Variants in FGF14 observed in about 807,000 individuals in gnomAD.
The protein encoded by FGF14 is fibroblast growth factor 14.
In FGF14, 5 loss-of-function variants were observed where a neutral mutation model predicts 25.5. That is an observed-to-expected ratio of 0.20 (90% CI 0.10 to 0.41). The LOEUF is 0.41. Ranked by LOEUF, FGF14 falls within the 10% of genes least tolerant of loss-of-function variation. The pLI is 1.00. For missense variants in FGF14, 222 were observed against 320.1 expected, an observed-to-expected ratio of 0.69 and a Z score of 2.34; for synonymous variants, 138 against 118.3, an observed-to-expected ratio of 1.17 and a Z score of -1.08.
rs2034713918 is a variant in FGF14, at chr13:101,716,179, A to AATTAATCG, written c.*6644_*6651dup. On this transcript the variant is annotated 3_prime_UTR_variant, in exon 5 of 5. Coordinates refer to ENST00000376143, the MANE Select transcript of FGF14 (RefSeq NM_004115.4). ...TAAGGAAAACATGCATATTCACATT[A>AATTAATCG]ATTAATCGATCAGATTTTTCCAGAA... The AATTAATCG allele has an allele frequency of 6.6e-6, 1 of 152,224 alleles. No individual in the cohort carries two copies. Among genetic ancestry groups the AATTAATCG allele is most frequent in the African/African-American group, 2.4e-5 (1 of 41,430 alleles). 9.4% of individuals were successfully genotyped at this position (152,224 alleles called of 1,614,324 possible).
intron 1 of FGF14, among the ~76,000 whole-genome samples, chr13:102,299,346 G>A (rs1457140000): frequency 6.6e-6 from 1 of 152,050 alleles, no homozygotes; most frequent in Non-Finnish European, 1.5e-5. Context: ...AGTCAAAATG[G>A]ATGCAACCAA....
chr13:101,998,037 A>T (rs1232030249), intron 1 of FGF14, among the ~76,000 whole-genome samples: 4 of 152,128 alleles, frequency 2.6e-5, no homozygotes. Flanking sequence ...CTCATTTAGC[A>T]AAAAATCCTG....
chr13:102,015,444 G>C (rs950360424), intron 1 of FGF14, among the ~76,000 whole-genome samples: 129 of 152,236 alleles, frequency 8.5e-4, no homozygotes, highest in African/African-American at 2.7e-3. Context: ...GTTACCTTTA[G>C]ACTAGCAAGA....
chr13:102,133,121 G>A (rs1400617426), intron 1 of FGF14, among the ~76,000 whole-genome samples: 3 of 152,132 alleles, frequency 2.0e-5, no homozygotes, highest in Admixed American at 6.5e-5. Flanking sequence ...TTTCATCAGC[G>A]ATTTCCCACC....
In FGF14 at chr13:101,802,795, T is replaced by C. The variant is rs1275639549; in HGVS notation, c.408+65930A>G. Among the ~76,000 whole-genome samples the C allele has an allele frequency of 3.3e-5, 5 of 152,338 alleles. No homozygotes were observed. In the South Asian group the frequency reaches 1.0e-3, roughly 32 times the overall value. ...GCATTTAAAAACATGTGTAAGGTGA[T>C]GTTTACTATTTGGCTATGGGCTAGA... On this transcript the variant is annotated intron_variant, in intron 3 of 4. Transcript: ENST00000376143.
chr13:102,333,173 C>T (rs2056684287), intron 1 of FGF14, among the ~76,000 whole-genome samples: 1 of 152,176 alleles, frequency 6.6e-6, no homozygotes, highest in Non-Finnish European at 1.5e-5. Context: ...TGAAAAGCCT[C>T]TTGATTATAT....
chr13:102,292,049 C>T (rs755706326), intron 1 of FGF14, among the ~76,000 whole-genome samples: 42 of 152,206 alleles, frequency 2.8e-4, no homozygotes, highest in Non-Finnish European at 5.6e-4. Flanking sequence ...GTGACCTGGA[C>T]TCTCACTTTG....
At chr13:101,930,494 A>C (rs1178839666) in intron 1 of FGF14, among the ~76,000 whole-genome samples, 1 of 152,172 alleles carries the variant, frequency 6.6e-6, no homozygotes, top group Non-Finnish European at 1.5e-5. Context: ...GGAATGCTCC[A>C]TTTTCATAAC....
chr13:102,287,136 AG>A (rs2054143718), intron 1 of FGF14, among the ~76,000 whole-genome samples: 1 of 152,216 alleles, frequency 6.6e-6, no homozygotes, highest in African/African-American at 2.4e-5. Flanking sequence ...ATAAAAAAAA[AG>A]AACAAACAGA....
intron 3 of FGF14, among the ~76,000 whole-genome samples, chr13:101,832,124 G>T (rs1566953021): frequency 6.6e-6 from 1 of 152,042 alleles, no homozygotes; most frequent in Non-Finnish European, 1.5e-5. Flanking sequence ...AAAGGCAGAG[G>T]GAGATCCGAT....
chr13:102,212,989 C>T (rs550265532), intron 1 of FGF14, among the ~76,000 whole-genome samples: 5 of 152,318 alleles, frequency 3.3e-5, no homozygotes, highest in South Asian at 2.1e-4. Context: ...TGAATGCTGC[C>T]AGTTGTCAGC....
chr13:101,855,769 G>A (rs1044688191), intron 3 of FGF14, among the ~76,000 whole-genome samples: 1 of 151,910 alleles, frequency 6.6e-6, no homozygotes, highest in Admixed American at 6.6e-5. Context: ...GAGAACCAGA[G>A]TGTAATTTAA....
chr13:101,932,460 G>A (rs891657055), intron 1 of FGF14, among the ~76,000 whole-genome samples: 14 of 146,968 alleles, frequency 9.5e-5, no homozygotes, highest in African/African-American at 3.4e-4. Context: ...TTGAATCTGC[G>A]AGTCGGAGGT....
chr13:101,870,645 GTT>G (rs1368631807), intron 2 of FGF14, among the ~76,000 whole-genome samples: 1 of 152,218 alleles, frequency 6.6e-6, no homozygotes, highest in Non-Finnish European at 1.5e-5. Flanking sequence ...TTTCCCTTGT[GTT>G]TTGGTTGGGA....
intron 3 of FGF14, among the ~76,000 whole-genome samples, chr13:101,806,476 T>A (rs1179994988): frequency 8.4e-4 from 124 of 147,892 alleles, no homozygotes; most frequent in South Asian, 1.5e-3. Flanking sequence ...TTGAGAAAAT[T>A]TTTTTTTTTG....
chr13:102,161,570 A>AAAGAAGAAGAAGAAGAAGAAAGAAG (rs1555369389), intron 1 of FGF14, among the ~76,000 whole-genome samples: 1 of 5,652 alleles, frequency 1.8e-4, no homozygotes, highest in Non-Finnish European at 2.4e-4. Flanking sequence ...TTCTGTGAAG[A>AAAGAAGAAGAAGAAGAAGAAAGAAG]AAGAAAGAAG....
chr13:102,074,242 G>A (rs2043267265), intron 1 of FGF14, among the ~76,000 whole-genome samples: 1 of 152,086 alleles, frequency 6.6e-6, no homozygotes, highest in South Asian at 2.1e-4. Context: ...TCAAACTTCT[G>A]GACTCAAATC....
intron 1 of FGF14, chr13:102,401,396 A>G (rs2058701005): frequency 7.2e-7 from 1 of 1,385,722 alleles, no homozygotes; most frequent in African/African-American, 1.4e-5. Flanking sequence ...GCATAGCAGA[A>G]CTGCAGATCT....
At chr13:102,170,673 A>G (rs574739178) in intron 1 of FGF14, among the ~76,000 whole-genome samples, 100 of 152,302 alleles carry the variant, frequency 6.6e-4, no homozygotes, top group Admixed American at 1.8e-3. Flanking sequence ...AACAACATTG[A>G]AAAACATGAA....
Sources: allele counts gnomAD v4.1 joint callset (sites outside exome capture counted in the v4.1 genomes callset), GRCh38; gene constraint gnomAD v4.1.1; transcripts MANE v1.5; gene names NCBI Gene and HGNC (gene_info 2026-07-23, HGNC 2026-07-21).